GTF2H1: variants seen among roughly 807,000 people sequenced by gnomAD.
The protein encoded by GTF2H1 is BTF2 p62.
GTF2H1 carries 16 observed loss-of-function variants against 71.2 expected under a neutral mutation model. The ratio of observed to expected loss-of-function variants is 0.22; its 90% CI spans 0.15 to 0.34. GTF2H1 has a LOEUF of 0.34. Ranked by LOEUF, GTF2H1 falls within the 10% of genes least tolerant of loss-of-function variation. GTF2H1 has a pLI of 1.00. For synonymous variants in GTF2H1, 215 were observed against 219.0 expected (o/e 0.98, Z 0.16); for missense variants, 498 against 648.2 (o/e 0.77, Z 2.52).
At chr11:18,344,504 A>G (rs1865237936) in intron 7 of GTF2H1, among the ~76,000 whole-genome samples, 1 of 151,622 alleles carries the variant, frequency 6.6e-6, no homozygotes, top group East Asian at 2.0e-4. Flanking sequence ...CTGTAATTCC[A>G]GCTACCCAGG....
chr11:18,340,847 T>C (rs1865141995), intron 5 of GTF2H1, among the ~76,000 whole-genome samples: 1 of 152,164 alleles, frequency 6.6e-6, no homozygotes, highest in South Asian at 2.1e-4. Context: ...TTGAACTCTA[T>C]GCTTGCTAGT....
chr11:18,328,429 C>G (rs993520463), intron 1 of GTF2H1, among the ~76,000 whole-genome samples: 3 of 150,334 alleles, frequency 2.0e-5, no homozygotes, highest in African/African-American at 7.4e-5. Context: ...GGGAGAGTTT[C>G]CTGGAACTGG....
chr11:18,328,834 AAAG>A (rs1208746274), intron 1 of GTF2H1, among the ~76,000 whole-genome samples: 1 of 152,194 alleles, frequency 6.6e-6, no homozygotes, highest in African/African-American at 2.4e-5. Flanking sequence ...AAAAAAAAAA[AAAG>A]AATATGGAAT....
At chr11:18,333,268 A>G (rs746839980) in intron 2 of GTF2H1, 40 bp downstream of exon 2, 6 of 1,397,600 alleles carry the variant, frequency 4.3e-6, no homozygotes, top group Non-Finnish European at 6.0e-6. Flanking sequence ...TTTGTATGTC[A>G]TAGTTGCTAG....
chr11:18,328,989 G>T (rs917004908), intron 1 of GTF2H1, among the ~76,000 whole-genome samples: 1 of 152,174 alleles, frequency 6.6e-6, no homozygotes, highest in African/African-American at 2.4e-5. Context: ...CGTTTATTAA[G>T]AATTGTGATC....
intron 4 of GTF2H1, among the ~76,000 whole-genome samples, chr11:18,338,602 C>T (rs537667915): frequency 6.6e-6 from 1 of 152,136 alleles, no homozygotes; most frequent in Admixed American, 6.5e-5. Flanking sequence ...CACCACCTTG[C>T]CTGGCTAAAT....
chr11:18,336,077 TTTTTG>T (rs200088497), intron 3 of GTF2H1, 131 bp downstream of exon 3: 63,751 of 630,888 alleles, frequency 0.1, 3,855 homozygotes, highest in Admixed American at 0.15. Flanking sequence ...GTCGTTTTTG[TTTTTG>T]TTTTGTTTGT....
At chr11:18,338,661 C>G (rs1865088367) in intron 4 of GTF2H1, among the ~76,000 whole-genome samples, 1 of 152,136 alleles carries the variant, frequency 6.6e-6, no homozygotes, top group East Asian at 1.9e-4. Context: ...ATTTCCCAGG[C>G]TGGTCTCAAA....
chr11:18,360,054 A>AC (rs1476518612), intron 13 of GTF2H1, among the ~76,000 whole-genome samples: 3 of 151,972 alleles, frequency 2.0e-5, no homozygotes, highest in Non-Finnish European at 4.4e-5. Flanking sequence ...AGCCTGGGTG[A>AC]CAGAATGAGA....
At chr11:18,365,027 C>T (rs908650973) in intron 14 of GTF2H1, among the ~76,000 whole-genome samples, 20 of 145,138 alleles carry the variant, frequency 1.4e-4, no homozygotes, top group African/African-American at 4.7e-4. Flanking sequence ...CCCAGGAGTT[C>T]GAGACCAGCC....
chr11:18,357,876 A>G (rs2133987574), intron 11 of GTF2H1, 76 bp from the exon 12 acceptor site: 2 of 830,200 alleles, frequency 2.4e-6, no homozygotes, highest in East Asian at 2.6e-5. Flanking sequence ...CTCTAAAACT[A>G]AAATGTTAAG....
Position 18,352,374 on chromosome 11 carries a change from A to G in GTF2H1, c.1188A>G (p.Thr396=). 6.3e-7 allele frequency: 1 copy of G among 1,587,382 alleles called. No homozygotes were observed. The highest frequency in any genetic ancestry group is 8.7e-7 in the Non-Finnish European group (1 of 1,155,882). Residue 396 remains threonine (T), a synonymous_variant, in exon 11 of 15, where the codon ACA becomes ACG. Transcript: ENST00000265963. ...CAATCCAGTCACTACAGTATGCAAC[A>G]AGTCAGGACATTATTAATTCTTTTC... ...PTPIQSLQYA[T]SQDIINSFQS...
intron 3 of GTF2H1, among the ~76,000 whole-genome samples, chr11:18,337,904 T>C (rs978201199): frequency 6.6e-6 from 1 of 152,206 alleles, no homozygotes; most frequent in Non-Finnish European, 1.5e-5. Context: ...CCTCCATTTA[T>C]CACCACTTCA....
rs776288563 is a variant in GTF2H1 at position 18,358,660 on chromosome 11, A to AC, written c.1467+21dup. On this transcript the variant is annotated intron_variant, in intron 13 of 14. Transcript: ENST00000265963. ...GAAAAGGTTAGAACCAGTTCTGAAG[A>AC]CAGCCAGATAATTGTGGTAGTGACT... The AC allele has an allele frequency of 2.8e-6, 4 of 1,404,658 alleles. No individual in the cohort carries two copies. The East Asian group carries it at 9.1e-5, about 32-fold the overall frequency. The allele number at this position is 1,404,658 out of a possible 1,614,324, so 87.0% of individuals were successfully genotyped here. A position where few individuals can be genotyped will look rare whatever the true frequency, so the allele number is the denominator to read the frequency against.
chr11:18,347,740 G>GT, intron 8 of GTF2H1, 25 bp downstream of exon 8: 19 of 1,608,568 alleles, frequency 1.2e-5, no homozygotes, highest in Non-Finnish European at 1.6e-5. Flanking sequence ...CAGAGGTGCA[G>GT]TAACTGGGCT....
chr11:18,355,147 T>A (rs1865512861), intron 11 of GTF2H1, among the ~76,000 whole-genome samples: 1 of 151,196 alleles, frequency 6.6e-6, no homozygotes, highest in Non-Finnish European at 1.5e-5. Flanking sequence ...ATTTTTTTTT[T>A]ATTTTTATTT....
At chr11:18,345,533 CT>C (rs1865270749) in intron 7 of GTF2H1, among the ~76,000 whole-genome samples, 2 of 150,038 alleles carry the variant, frequency 1.3e-5, no homozygotes, top group Admixed American at 6.7e-5. Flanking sequence ...GAGTCGTGCC[CT>C]TTTGCCCAGG....
intron 7 of GTF2H1, among the ~76,000 whole-genome samples, chr11:18,345,823 G>A (rs1161471506): frequency 9.2e-6 from 1 of 109,050 alleles, no homozygotes; most frequent in Non-Finnish European, 1.8e-5. Context: ...ACGGAGTCTT[G>A]CTGTCACCCA....
intron 3 of GTF2H1, among the ~76,000 whole-genome samples, chr11:18,336,842 C>T (rs1278319353): frequency 1.3e-5 from 2 of 151,654 alleles, no homozygotes; most frequent in Non-Finnish European, 2.9e-5. Context: ...GCAACCTCCA[C>T]CTCCTGGGTT....
Sources: allele counts gnomAD v4.1 joint callset (sites outside exome capture counted in the v4.1 genomes callset), GRCh38; gene constraint gnomAD v4.1.1; transcripts MANE v1.5; gene names NCBI Gene and HGNC (gene_info 2026-07-23, HGNC 2026-07-21).